PPP1R21: variants seen among roughly 807,000 people sequenced by gnomAD.
PPP1R21 encodes protein phosphatase 1 regulatory subunit 21.
A neutral mutation model predicts 112.8 loss-of-function variants in PPP1R21; 85 were observed. That is an observed-to-expected ratio of 0.75 (90% confidence interval 0.63 to 0.90). The LOEUF (loss-of-function observed/expected upper bound fraction) is 0.90. PPP1R21 is among the 40% of genes least tolerant of loss of function. PPP1R21 has a pLI of 0.00. For synonymous variants in PPP1R21, 381 were observed against 322.3 expected (o/e 1.18, Z -1.95); for missense variants, 1,199 against 901.5 (o/e 1.33, Z -4.23).
chr2:48,491,021 G>T lies in PPP1R21; in HGVS notation c.1450G>T (p.Ala484Ser), dbSNP rs756734622. 1.2e-5 allele frequency: 20 copies of T among 1,613,214 alleles called. No individual in the cohort carries two copies. The South Asian group carries it at 1.3e-4, about 11-fold the overall frequency. ...TTCCTTGTCATACTTTGTTTAGATTGCATCCTTCTTCAGCAACAATTTGGA... is the reference window on the plus strand; with the variant it reads ...TTCCTTGTCATACTTTGTTTAGATTTCATCCTTCTTCAGCAACAATTTGGA... ...VALTNGAGKI[A>S]SFFSNNLDYF... The change falls in exon 15 of 22, where the codon GCA becomes TCA. Residue 484 changes from alanine (A) to serine (S), a missense_variant. Transcript: ENST00000294952.
intron 19 of PPP1R21, among the ~76,000 whole-genome samples, chr2:48,508,382 G>C (rs961578310): frequency 6.6e-6 from 1 of 152,174 alleles, no homozygotes; most frequent in African/African-American, 2.4e-5. Flanking sequence ...TCTTATACTA[G>C]AGTTGAAGAG....
At chr2:48,507,749 C>CCTT (rs1558527583) in intron 19 of PPP1R21, among the ~76,000 whole-genome samples, 2 of 42,392 alleles carry the variant, frequency 4.7e-5, no homozygotes, top group Non-Finnish European at 7.7e-5. Flanking sequence ...GAGGCTCTGC[C>CCTT]TTTTTTTTTT....
At chr2:48,455,907 G>A (rs531626498) in intron 3 of PPP1R21, among the ~76,000 whole-genome samples, 2 of 151,502 alleles carry the variant, frequency 1.3e-5, no homozygotes, top group Non-Finnish European at 2.9e-5. Context: ...CCAGCTGCTC[G>A]GGGGAGCTGA....
intron 1 of PPP1R21, among the ~76,000 whole-genome samples, chr2:48,445,918 G>A (rs987574947): frequency 6.6e-6 from 1 of 152,226 alleles, no homozygotes; most frequent in Non-Finnish European, 1.5e-5. Context: ...AGAACTGGAA[G>A]GAGTTTTAGG....
chr2:48,483,300 G>C (rs1669118604), intron 13 of PPP1R21, among the ~76,000 whole-genome samples: 1 of 132,292 alleles, frequency 7.6e-6, no homozygotes, highest in South Asian at 2.6e-4. Flanking sequence ...TCCTGCCTCA[G>C]CCTCCTGAGT....
At chr2:48,478,547 C>G (rs1390621946) in intron 12 of PPP1R21, among the ~76,000 whole-genome samples, 3 of 152,146 alleles carry the variant, frequency 2.0e-5, no homozygotes, top group African/African-American at 7.2e-5. Context: ...ATTGATTGCT[C>G]TCATTTTCAA....
intron 2 of PPP1R21, among the ~76,000 whole-genome samples, chr2:48,452,812 A>G (rs938091410): frequency 1.3e-5 from 2 of 152,194 alleles, no homozygotes; most frequent in Non-Finnish European, 2.9e-5. Context: ...GTAAAAATTA[A>G]GGTTTTACTA....
intron 1 of PPP1R21, among the ~76,000 whole-genome samples, chr2:48,443,894 C>T (rs1667141829): frequency 1.3e-5 from 2 of 152,166 alleles, no homozygotes; most frequent in South Asian, 2.1e-4. Context: ...TCCTCTTAAT[C>T]TGTAGAAGGA....
At chr2:48,465,148 C>G (rs1173661132) in intron 8 of PPP1R21, among the ~76,000 whole-genome samples, 159 bp downstream of exon 8, 18 of 152,138 alleles carry the variant, frequency 1.2e-4, no homozygotes. Context: ...ATGTAGCTTG[C>G]TTTTTATTGC....
intron 6 of PPP1R21, 50 bp downstream of exon 6, chr2:48,460,203 A>C (rs200913125): frequency 6.3e-7 from 1 of 1,585,568 alleles, no homozygotes. Flanking sequence ...GACTCAGAAG[A>C]CATGGGTTTT....
chr2:48,497,725 C>T (rs960219005), intron 16 of PPP1R21, among the ~76,000 whole-genome samples: 3 of 149,556 alleles, frequency 2.0e-5, no homozygotes, highest in East Asian at 4.0e-4. Flanking sequence ...TATCTCGGCT[C>T]ACTGCAAACT....
intron 16 of PPP1R21, among the ~76,000 whole-genome samples, chr2:48,497,943 G>A (rs563114644): frequency 1.3e-5 from 2 of 152,028 alleles, no homozygotes; most frequent in East Asian, 3.9e-4. Context: ...GAGCCACCGT[G>A]CCTGGCCTGC....
intron 18 of PPP1R21, among the ~76,000 whole-genome samples, chr2:48,506,806 C>T (rs182011972): frequency 6.6e-5 from 10 of 152,098 alleles, no homozygotes; most frequent in East Asian, 3.9e-4. Context: ...ATTAGCTGGG[C>T]GTGGTGGCGG....
At chr2:48,507,691 A>G (rs1670445923) in intron 19 of PPP1R21, among the ~76,000 whole-genome samples, 1 of 142,112 alleles carries the variant, frequency 7.0e-6, no homozygotes, top group Non-Finnish European at 1.5e-5. Context: ...ACTAGTCTGT[A>G]TACCAACTAA....
chr2:48,509,791 A>G (rs1670549318), intron 19 of PPP1R21, among the ~76,000 whole-genome samples: 1 of 152,216 alleles, frequency 6.6e-6, no homozygotes, highest in Non-Finnish European at 1.5e-5. Context: ...ATTGATCTTA[A>G]GTTGGTAGAC....
intron 1 of PPP1R21, chr2:48,441,534 C>T (rs1194258572): frequency 5.6e-6 from 1 of 178,330 alleles, no homozygotes; most frequent in Non-Finnish European, 1.3e-5. Flanking sequence ...GTATTCACTG[C>T]TTTGGCAAGA....
chr2:48,483,669 G>A (rs914138718), intron 13 of PPP1R21, among the ~76,000 whole-genome samples: 5 of 152,164 alleles, frequency 3.3e-5, no homozygotes, highest in African/African-American at 1.2e-4. Context: ...TGCACAATGA[G>A]AAACAGAACA....
chr2:48,492,923 G>A (rs900152089), intron 15 of PPP1R21, among the ~76,000 whole-genome samples: 6 of 148,522 alleles, frequency 4.0e-5, no homozygotes, highest in African/African-American at 9.9e-5. Context: ...TGGTTCATAT[G>A]TATATATTTG....
At chr2:48,504,969 G>T (rs936436733) in intron 17 of PPP1R21, among the ~76,000 whole-genome samples, 6 of 151,986 alleles carry the variant, frequency 3.9e-5, no homozygotes, top group African/African-American at 1.5e-4. Context: ...AATGCAGCCT[G>T]GGTGACAGAG....
Sources: gnomAD v4.1 joint callset for allele counts (sites outside exome capture counted in the v4.1 genomes callset) on GRCh38, gnomAD v4.1.1 for gene constraint, MANE v1.5 for transcripts, NCBI Gene and HGNC (gene_info 2026-07-23, HGNC 2026-07-21) for gene names.